Variants in MRAP2 observed in about 807,000 individuals in gnomAD.
MRAP2 encodes melanocortin 2 receptor accessory protein 2, also known as melanocortin-2 receptor accessory protein 2.
Under a neutral mutation model 17.4 loss-of-function variants are expected in MRAP2, and 20 were observed. That is an observed-to-expected ratio of 1.15 (90% confidence interval 0.81 to 1.67). The LOEUF is 1.67. MRAP2 is among the 40% of genes most tolerant of loss of function. MRAP2 has a pLI of 0.00. For missense variants in MRAP2, 238 were observed against 240.0 expected (o/e 0.99, Z 0.05); for synonymous variants, 96 against 88.4 (o/e 1.09, Z -0.48).
At chr6:84,038,175 C>A (rs1588617489) in intron 1 of MRAP2, among the ~76,000 whole-genome samples, 1 of 152,204 alleles carries the variant, frequency 6.6e-6, no homozygotes, top group East Asian at 1.9e-4. Context: ...GGCGAGGGCC[C>A]CTGGCAGCAG....
At chr6:84,115,134 G>A in the MRAP2 span, among the ~76,000 whole-genome samples, 1 of 152,202 alleles carries the variant, frequency 6.6e-6, no homozygotes, top group East Asian at 1.9e-4. Flanking sequence ...CTTCAGAGCT[G>A]TCAGGGAGGG....
At chr6:84,097,600 C>T in the MRAP2 span, among the ~76,000 whole-genome samples, 1 of 152,042 alleles carries the variant, frequency 6.6e-6, no homozygotes, top group Non-Finnish European at 1.5e-5. Flanking sequence ...GTCTTTTCAT[C>T]TATTTTGTCC....
intron 3 of MRAP2, among the ~76,000 whole-genome samples, chr6:84,086,154 A>G (rs184310029): frequency 6.6e-6 from 1 of 152,240 alleles, no homozygotes. Flanking sequence ...GGGTCATTGC[A>G]ATGAAAATAC....
In MRAP2 at chr6:84,090,447, C is replaced by T. The variant is rs1045649; in HGVS notation, c.*966C>T. 0.2 allele frequency: 30,331 copies of T among 152,132 alleles called. 6,240 individuals carry two copies. The highest frequency in any genetic ancestry group is 0.53 in the African/African-American group (21,785 of 41,424). The allele number at this position is 152,132 out of a possible 1,614,324, so 9.4% of individuals were successfully genotyped here. A position where few individuals can be genotyped will look rare whatever the true frequency, so the allele number is the denominator to read the frequency against. ...CCCTGCCTCAGAATAAGTACCAATTCGTAGTACATGTATGGTACTCTTGTC... is the reference window on the plus strand; with the variant it reads ...CCCTGCCTCAGAATAAGTACCAATTTGTAGTACATGTATGGTACTCTTGTC... On this transcript the variant is annotated 3_prime_UTR_variant, in exon 4 of 4. Coordinates refer to ENST00000257776, the MANE Select transcript of MRAP2 (RefSeq NM_138409.4).
chr6:84,106,237 A>G, the MRAP2 span, among the ~76,000 whole-genome samples: 3 of 152,204 alleles, frequency 2.0e-5, no homozygotes, highest in Non-Finnish European at 4.4e-5. Context: ...TTTCTTGGTC[A>G]GTAGCAGTGC....
the MRAP2 span, among the ~76,000 whole-genome samples, chr6:84,113,972 G>A: frequency 6.6e-5 from 10 of 152,186 alleles, no homozygotes; most frequent in Admixed American, 6.5e-4. Context: ...GTTTCCCTTT[G>A]TGGGTAAGCT....
At chr6:84,085,929 T>C (rs1472487325) in intron 3 of MRAP2, among the ~76,000 whole-genome samples, 1 of 152,184 alleles carries the variant, frequency 6.6e-6, no homozygotes, top group African/African-American at 2.4e-5. Context: ...AGAAGGGGCT[T>C]AGCCTGAGTG....
rs778250780 is a variant in MRAP2, at chr6:84,089,090, G to T, written c.228-1G>T. 1 of 1,602,096 alleles carries T rather than the reference G, an allele frequency of 6.2e-7. No individual in the cohort carries two copies. Among genetic ancestry groups the T allele is most frequent in the South Asian group, 1.1e-5 (1 of 89,860 alleles). ...GTCTTTTATTTTCTTTTTTTAAATA[G>T]CAATGCAGAGTCCTCAGAGAAGAGA... On this transcript the variant is annotated splice_acceptor_variant, in intron 3 of 3. Coordinates refer to ENST00000257776, the MANE Select transcript of MRAP2 (RefSeq NM_138409.4). LOFTEE classifies it high-confidence loss of function.
At chr6:84,128,020 ACTGT>A in the MRAP2 span, among the ~76,000 whole-genome samples, 1 of 152,184 alleles carries the variant, frequency 6.6e-6, no homozygotes, top group Non-Finnish European at 1.5e-5. Flanking sequence ...ATATATGTTT[ACTGT>A]CTGACTCCTC....
the MRAP2 span, among the ~76,000 whole-genome samples, chr6:84,115,317 G>C: frequency 4.6e-5 from 7 of 152,218 alleles, no homozygotes; most frequent in Non-Finnish European, 2.9e-5. Flanking sequence ...CAGTGGCCTT[G>C]CTGAGCTGCA....
chr6:84,104,595 G>A, the MRAP2 span, among the ~76,000 whole-genome samples: 3,804 of 152,250 alleles, frequency 0.025, 145 homozygotes, highest in African/African-American at 0.084. Flanking sequence ...TCGGCTGGGC[G>A]CAGTGGCTCA....
intron 3 of MRAP2, among the ~76,000 whole-genome samples, chr6:84,064,564 T>C (rs1289597673): frequency 1.3e-5 from 2 of 152,256 alleles, no homozygotes; most frequent in African/African-American, 2.4e-5. Flanking sequence ...CTTGGCTCAC[T>C]GCAAGCTCCG....
chr6:84,054,286 G>A (rs1196871207), intron 1 of MRAP2, among the ~76,000 whole-genome samples: 1 of 152,220 alleles, frequency 6.6e-6, no homozygotes, highest in Non-Finnish European at 1.5e-5. Flanking sequence ...CTTGCACACA[G>A]TAGGTGCTCA....
At chr6:84,043,664 G>A (rs1045090596) in intron 1 of MRAP2, among the ~76,000 whole-genome samples, 2 of 149,188 alleles carry the variant, frequency 1.3e-5, no homozygotes, top group Non-Finnish European at 3.0e-5. Context: ...GGGGTGAGGG[G>A]TGTGGGGTGA....
chr6:84,045,180 C>T, intron 1 of MRAP2: 1 of 984,304 alleles, frequency 1.0e-6, no homozygotes, highest in Non-Finnish European at 1.2e-6. Flanking sequence ...CAAGCCCCCA[C>T]AGATGCTAAG....
chr6:84,043,746 A>G (rs2099488267), intron 1 of MRAP2, among the ~76,000 whole-genome samples: 1 of 152,140 alleles, frequency 6.6e-6, no homozygotes, highest in Admixed American at 6.5e-5. Flanking sequence ...TACAAGCCTG[A>G]ATTCTTTAAG....
chr6:84,046,718 T>C (rs1319927589), intron 1 of MRAP2, among the ~76,000 whole-genome samples: 3 of 143,690 alleles, frequency 2.1e-5, no homozygotes, highest in African/African-American at 8.0e-5. Flanking sequence ...GAGGTGGAGG[T>C]TGCAGTGAGC....
the MRAP2 span, among the ~76,000 whole-genome samples, chr6:84,134,935 C>T: frequency 2.7e-5 from 4 of 149,884 alleles, no homozygotes; most frequent in South Asian, 2.1e-4. Context: ...CACACACACA[C>T]ACACACACAC....
At chr6:84,088,073 G>C (rs1390544316) in intron 3 of MRAP2, among the ~76,000 whole-genome samples, 1 of 152,116 alleles carries the variant, frequency 6.6e-6, no homozygotes, top group African/African-American at 2.4e-5. Context: ...CTGAGTGATA[G>C]GATGGGAAGG....
Sources: allele counts gnomAD v4.1 joint callset (sites outside exome capture counted in the v4.1 genomes callset), GRCh38; gene constraint gnomAD v4.1.1; transcripts MANE v1.5; gene names NCBI Gene and HGNC (gene_info 2026-07-23, HGNC 2026-07-21).